Variants in LIN9 observed in about 807,000 individuals in gnomAD.
LIN9 encodes protein lin-9 homolog.
In LIN9, 18 loss-of-function variants were observed where a neutral mutation model predicts 78.0. That is an observed-to-expected ratio of 0.23 (90% CI 0.16 to 0.34). The LOEUF is 0.34. Ranked by LOEUF, LIN9 falls within the 10% of genes least tolerant of loss-of-function variation. LIN9 has a pLI of 1.00. For synonymous variants in LIN9, 192 were observed against 215.2 expected (o/e 0.89, Z 0.94); for missense variants, 451 against 644.1 (o/e 0.70, Z 3.25).
intron 11 of LIN9, among the ~76,000 whole-genome samples, chr1:226,242,401 A>G (rs1413154343): frequency 6.6e-6 from 1 of 152,222 alleles, no homozygotes; most frequent in East Asian, 1.9e-4. Flanking sequence ...CTATTTGAGG[A>G]AAAAAGCTCT....
chr1:226,232,662 T>G, intron 14 of LIN9, 56 bp from the exon 15 acceptor site: 5 of 1,139,956 alleles, frequency 4.4e-6, no homozygotes, highest in Middle Eastern at 2.0e-4. Context: ...AAGAAAAAAA[T>G]TTTTAAAAGA....
chr1:226,289,834 C>CGGGG (rs967358215), intron 4 of LIN9, among the ~76,000 whole-genome samples: 172 of 11,978 alleles, frequency 0.014, 2 homozygotes, highest in Non-Finnish European at 0.019. Context: ...AGTAGTCCTC[C>CGGGG]GGGGGGGGGG....
chr1:226,249,612 A>G (rs1281432509), intron 11 of LIN9, among the ~76,000 whole-genome samples: 2 of 152,156 alleles, frequency 1.3e-5, no homozygotes, highest in East Asian at 1.9e-4. Flanking sequence ...CTATACCCTT[A>G]TAACATTTCA....
At chr1:226,273,513 G>GGGAT (rs1310890170) in intron 7 of LIN9, among the ~76,000 whole-genome samples, 11 of 151,622 alleles carry the variant, frequency 7.3e-5, no homozygotes, top group Non-Finnish European at 1.6e-4. Context: ...CCAAAGTGCT[G>GGGAT]GGATGATAGG....
chr1:226,290,917 T>C (rs2102641341), intron 4 of LIN9, among the ~76,000 whole-genome samples: 1 of 152,106 alleles, frequency 6.6e-6, no homozygotes, highest in Non-Finnish European at 1.5e-5. Context: ...CCGCCACACC[T>C]GGCTAATTTT....
At chr1:226,277,511 T>C (rs1273057781) in intron 7 of LIN9, among the ~76,000 whole-genome samples, 2 of 152,200 alleles carry the variant, frequency 1.3e-5, no homozygotes, top group East Asian at 1.9e-4. Flanking sequence ...CATGTGTACG[T>C]GTAAACACAT....
chr1:226,289,855 G>GGGT (rs1661636919), intron 4 of LIN9, among the ~76,000 whole-genome samples: 1 of 64,328 alleles, frequency 1.6e-5, no homozygotes, highest in African/African-American at 5.7e-5. Context: ...GTGGGGGGGG[G>GGGT]TGGGAAAGCT....
chr1:226,296,072 G>A (rs1662130953), intron 3 of LIN9, 126 bp from the exon 4 acceptor site: 2 of 594,838 alleles, frequency 3.4e-6, no homozygotes, highest in South Asian at 2.2e-5. Flanking sequence ...GATAAAGTAT[G>A]GGCAACACAA....
At chr1:226,276,959 G>A (rs925933147) in intron 7 of LIN9, among the ~76,000 whole-genome samples, 4 of 151,982 alleles carry the variant, frequency 2.6e-5, no homozygotes, top group Non-Finnish European at 4.4e-5. Context: ...CAAAGTCCAC[G>A]AGAACAATGG....
chr1:226,272,804 C>G (rs772782929), intron 7 of LIN9, among the ~76,000 whole-genome samples: 7 of 152,052 alleles, frequency 4.6e-5, no homozygotes, highest in Non-Finnish European at 1.0e-4. Flanking sequence ...TTTTTGACCC[C>G]CACATTCTCA....
chr1:226,289,354 G>A (rs1488707489), intron 4 of LIN9, among the ~76,000 whole-genome samples: 1 of 152,148 alleles, frequency 6.6e-6, no homozygotes, highest in Admixed American at 6.6e-5. Flanking sequence ...GTGTGTGTGT[G>A]TGTTTTGGTT....
At chr1:226,303,159 G>A (rs1214790025) in intron 1 of LIN9, among the ~76,000 whole-genome samples, 2 of 152,206 alleles carry the variant, frequency 1.3e-5, no homozygotes, top group Non-Finnish European at 2.9e-5. Context: ...ACACACATCT[G>A]TGTACCAAAA....
intron 3 of LIN9, among the ~76,000 whole-genome samples, chr1:226,296,309 ATGATATGT>A: frequency 6.6e-6 from 1 of 152,312 alleles, no homozygotes; most frequent in Middle Eastern, 3.4e-3. Flanking sequence ...GGTGTGTGAC[ATGATATGT>A]CTGCTGCATA....
intron 4 of LIN9, 29 bp from the exon 5 acceptor site, chr1:226,287,826 A>G: frequency 2.0e-6 from 3 of 1,482,666 alleles, no homozygotes; most frequent in Non-Finnish European, 1.8e-6. Context: ...AGATTAATTT[A>G]TGGCTCCATT....
intron 4 of LIN9, among the ~76,000 whole-genome samples, chr1:226,289,889 T>G (rs1469080945): frequency 7.3e-6 from 1 of 136,362 alleles, no homozygotes; most frequent in Non-Finnish European, 1.5e-5. Flanking sequence ...ACTTCATCCC[T>G]TACTGCAAAA....
rs368835514 is a variant in LIN9, at chr1:226,278,823, C to CAA, written c.525-893_525-892dup. Among the ~76,000 whole-genome samples, 375 of 129,750 alleles carry CAA rather than the reference C, an allele frequency of 2.9e-3. 15 individuals carry two copies. The South Asian group carries it at 0.075, about 26-fold the overall frequency. The allele number at this position is 129,750 out of a possible 152,430, so 85.1% of individuals were successfully genotyped here. A position where few individuals can be genotyped will look rare whatever the true frequency, so the allele number is the denominator to read the frequency against. On this transcript the variant is annotated intron_variant, in intron 6 of 14. Coordinates refer to ENST00000681046, the MANE Select transcript of LIN9 (RefSeq NM_001366245.2). ...TGGGTGACAGAGTAAAACTCCGTCT[C>CAA]AAAAAAAAAAAAGAAAGGCCGGGCG...
In LIN9 at chr1:226,287,820, T is replaced by G. The variant is rs370722032; in HGVS notation, c.265-23A>C. 4.4e-5 allele frequency: 66 copies of G among 1,501,302 alleles called. No homozygotes were observed. In the African/African-American group the frequency reaches 8.9e-4, roughly 20 times the overall value. 93.0% of individuals were successfully genotyped at this position (1,501,302 alleles called of 1,614,324 possible). On this transcript the variant is annotated intron_variant, in intron 4 of 14. Coordinates refer to ENST00000681046, the MANE Select transcript of LIN9 (RefSeq NM_001366245.2). ...TTTCTATACAATAAAAAAAAGAGAT[T>G]AATTTATGGCTCCATTAAGTAAAAA...
chr1:226,253,322 G>A (rs1345457595), intron 10 of LIN9, among the ~76,000 whole-genome samples: 1 of 147,718 alleles, frequency 6.8e-6, no homozygotes, highest in African/African-American at 2.5e-5. Flanking sequence ...TCTTTTTTTT[G>A]GAGATGGAAT....
chr1:226,266,235 G>A lies in LIN9; in HGVS notation c.914C>T (p.Pro305Leu), dbSNP rs753377748. 1.9e-6 allele frequency: 3 copies of A among 1,585,728 alleles called. No homozygotes were observed. Among genetic ancestry groups the A allele is most frequent in the Non-Finnish European group, 2.6e-6 (3 of 1,162,472 alleles). ...TACTATAATTGGTGACTGGAGAGGAGGAGTATAATGTAACCGTGGTGGGGT... is the reference window on the plus strand; with the variant it reads ...TACTATAATTGGTGACTGGAGAGGAAGAGTATAATGTAACCGTGGTGGGGT... ...FMTPPRLHYT[P>L]PLQSPIIDND... The change falls in exon 9 of 15, where the codon CCT (proline) becomes CTT (leucine). Residue 305 changes from proline to leucine, a missense_variant. By Grantham distance (98) the Pro-to-Leu change is moderately conservative. Transcript: ENST00000681046.
Sources: gnomAD v4.1 joint callset for allele counts (sites outside exome capture counted in the v4.1 genomes callset) on GRCh38, gnomAD v4.1.1 for gene constraint, MANE v1.5 for transcripts, NCBI Gene and HGNC (gene_info 2026-07-23, HGNC 2026-07-21) for gene names.